MAP4: variants seen among roughly 807,000 people sequenced by gnomAD.
MAP4 encodes microtubule-associated protein 4.
A neutral mutation model predicts 170.2 loss-of-function variants in MAP4; 76 were observed. That is an observed-to-expected ratio of 0.45 (90% CI 0.37 to 0.54). The LOEUF (loss-of-function observed/expected upper bound fraction) is 0.54. Among genes scored for constraint, MAP4 ranks in the 20% least tolerant of loss-of-function variants. The probability of loss-of-function intolerance (pLI) is 0.00; values close to 1 mark genes in which losing one functional copy is unlikely to be tolerated. For synonymous variants in MAP4, 909 were observed against 994.5 expected (o/e 0.91, Z 1.62); for missense variants, 2,506 against 2,748.0 (o/e 0.91, Z 1.97).
At chr3:48,050,726 T>C (rs12635470) in intron 1 of MAP4, among the ~76,000 whole-genome samples, 1 of 151,158 alleles carries the variant, frequency 6.6e-6, no homozygotes, top group Non-Finnish European at 1.5e-5. Context: ...GCCAACATGG[T>C]GAAATCCATC....
intron 1 of MAP4, among the ~76,000 whole-genome samples, chr3:48,073,623 A>G (rs2100142157): frequency 6.6e-6 from 1 of 151,864 alleles, no homozygotes; most frequent in South Asian, 2.1e-4. Context: ...AAAAAAAAAA[A>G]GAAGAAAAAA....
Position 47,910,912 on chromosome 3 carries a change from G to C in MAP4, c.3509C>G (p.Ser1170Cys). The change falls in exon 9 of 21, where the codon TCT (serine) becomes TGT (cysteine). Residue 1170 changes from serine (S) to cysteine (C), a missense_variant. Coordinates refer to ENST00000683076, the MANE Select transcript of MAP4 (RefSeq NM_001385682.1). ...ATCTCCTGTTTCTGTGCTAACACCA[G>C]AAGTCTGAGTCATGCCTGATCCACT... ...LESGSGMTQT[S>C]GVSTETGDVV... 6.5e-7 allele frequency: 1 copy of C among 1,536,092 alleles called. No homozygotes were observed.
intron 1 of MAP4, among the ~76,000 whole-genome samples, chr3:48,007,992 C>T (rs972192596): frequency 6.6e-6 from 1 of 152,072 alleles, no homozygotes; most frequent in African/African-American, 2.4e-5. Flanking sequence ...TGTTACTGGG[C>T]TTTAGTGGAA....
intron 1 of MAP4, among the ~76,000 whole-genome samples, chr3:48,048,620 T>G (rs1478578704): frequency 6.7e-6 from 1 of 148,776 alleles, no homozygotes; most frequent in Non-Finnish European, 1.5e-5. Flanking sequence ...AGGACTCAAG[T>G]GATCTCCCAC....
upstream of MAP4, among the ~76,000 whole-genome samples, chr3:48,017,800 A>G (rs1394005618): frequency 6.6e-5 from 10 of 152,228 alleles, no homozygotes; most frequent in Admixed American, 6.5e-4. Flanking sequence ...GAACTAATAC[A>G]TCATCTGTAC....
intron 1 of MAP4, among the ~76,000 whole-genome samples, chr3:48,057,659 A>C (rs1178517723): frequency 6.6e-6 from 1 of 150,970 alleles, no homozygotes; most frequent in Non-Finnish European, 1.5e-5. Context: ...AAAAAAAAAA[A>C]AGTAAGCATG....
Position 47,910,413 on chromosome 3 carries a change from A to T in MAP4, c.4008T>A (p.Val1336=). The stretch of plus-strand genomic sequence containing the variant: ...TATTCTCCTCAGATACTACTGAAGG[A>T]ACAAATCCTGCCCCCTGGATTTGCT... The part of the protein sequence containing the change: ...CQEQIQGAGF[V]PSVVSEENKT... The change falls in exon 9 of 21, where the codon GTT becomes GTA. Residue 1336 remains valine (V), a synonymous_variant. Transcript: ENST00000683076. 6.5e-7 allele frequency: 1 copy of T among 1,536,450 alleles called. No individual in the cohort carries two copies. The highest frequency in any genetic ancestry group is 1.2e-5 in the South Asian group (1 of 84,060).
chr3:48,058,641 A>T (rs1311348209), intron 1 of MAP4, among the ~76,000 whole-genome samples: 1 of 152,232 alleles, frequency 6.6e-6, no homozygotes, highest in Non-Finnish European at 1.5e-5. Context: ...TGACCCAAGT[A>T]ATTCATTAAT....
chr3:47,862,624 C>T (rs576353230), intron 17 of MAP4, among the ~76,000 whole-genome samples: 12 of 152,028 alleles, frequency 7.9e-5, no homozygotes, highest in Admixed American at 6.5e-4. Flanking sequence ...ACTACAGGCA[C>T]GTGCCACCAC....
rs762787802 is a variant in MAP4, at chr3:47,909,484, G to A, written c.4937C>T (p.Ser1646Phe). The A allele has an allele frequency of 1.2e-6, 2 of 1,613,630 alleles. No homozygotes were observed. The highest frequency in any genetic ancestry group is 1.7e-6 in the Non-Finnish European group (2 of 1,179,888). The change falls in exon 9 of 21, where the codon TCC becomes TTC. Residue 1646 changes from serine (S) to phenylalanine (F), a missense_variant. By Grantham distance (155) the Ser-to-Phe change is radical (BLOSUM62 -2). This residue lies in a region of MAP4 where 2,008 missense variants were observed against 2,206.0 expected (regional missense o/e 0.91). Coordinates refer to ENST00000683076, the MANE Select transcript of MAP4 (RefSeq NM_001385682.1). ...CTTATTCAAACTATCTGAACCTTTG[G>A]AATTTCTATCTTGAGCATTTTGGTC... ...CEDQNAQDRN[S>F]KGSDSLNKKV...
chr3:47,918,720 T>C lies in MAP4; in HGVS notation c.651A>G (p.Ala217=), dbSNP rs2100041098. 1 of 1,608,148 alleles carries C rather than the reference T, an allele frequency of 6.2e-7. No individual in the cohort carries two copies. Among genetic ancestry groups the C allele is most frequent in the South Asian group, 1.1e-5 (1 of 90,952 alleles). Residue 217 remains alanine, a splice_region_variant and synonymous_variant, in exon 6 of 21, where the codon GCA becomes GCG. Transcript: ENST00000683076. ...TAAAGGGAGTCTCTAATAGTTTACC[T>C]GCCGTTGGCTGAGGAGGTTCTGCAA... ...EAVAEPPQPT[A]VPLELAKEIE... is the part of the protein sequence containing the mutation.
At chr3:48,043,108 A>T (rs547902483) in intron 1 of MAP4, among the ~76,000 whole-genome samples, 33 of 152,162 alleles carry the variant, frequency 2.2e-4, no homozygotes, top group Middle Eastern at 3.4e-3. Context: ...TTATTTATTT[A>T]TTTATTTTTT....
chr3:47,903,368 C>T (rs1329858739), intron 9 of MAP4, among the ~76,000 whole-genome samples: 2 of 152,118 alleles, frequency 1.3e-5, no homozygotes, highest in Non-Finnish European at 2.9e-5. Flanking sequence ...CCCGTCTCTA[C>T]TAAAAATACA....
At chr3:48,085,060 G>C (rs917282995) in intron 1 of MAP4, among the ~76,000 whole-genome samples, 7 of 151,934 alleles carry the variant, frequency 4.6e-5, no homozygotes, top group Non-Finnish European at 7.4e-5. Context: ...TACTTACTTG[G>C]TTTCCTTTTC....
intron 10 of MAP4, among the ~76,000 whole-genome samples, chr3:47,888,354 C>T (rs370898718): frequency 6.6e-6 from 1 of 152,174 alleles, no homozygotes; most frequent in South Asian, 2.1e-4. Flanking sequence ...TGCTACTGCT[C>T]ACTCTTTGGG....
chr3:47,952,258 T>TG (rs1299562955), intron 3 of MAP4, among the ~76,000 whole-genome samples: 9 of 143,680 alleles, frequency 6.3e-5, no homozygotes, highest in East Asian at 4.2e-4. Flanking sequence ...GGGAGGGAGG[T>TG]GGGGGGGTCA....
intron 1 of MAP4, among the ~76,000 whole-genome samples, chr3:48,000,745 T>C (rs1245359750): frequency 1.3e-5 from 2 of 152,206 alleles, no homozygotes; most frequent in Admixed American, 1.3e-4. Context: ...ATACACAGTC[T>C]TTCTCCAACC....
At chr3:48,007,132 A>G (rs2100102779) in intron 1 of MAP4, among the ~76,000 whole-genome samples, 1 of 152,242 alleles carries the variant, frequency 6.6e-6, no homozygotes, top group South Asian at 2.1e-4. Context: ...CATTATGCTG[A>G]CTGGATCCAG....
chr3:47,946,229 C>T (rs2100059809), intron 3 of MAP4, among the ~76,000 whole-genome samples: 1 of 151,474 alleles, frequency 6.6e-6, no homozygotes, highest in South Asian at 2.1e-4. Flanking sequence ...AGGTGTGAGC[C>T]ACCACACCCG....
Sources: allele counts gnomAD v4.1 joint callset (sites outside exome capture counted in the v4.1 genomes callset), GRCh38; gene constraint gnomAD v4.1.1; regional missense constraint gnomAD v4.1.1; transcripts MANE v1.5; gene names NCBI Gene and HGNC (gene_info 2026-07-23, HGNC 2026-07-21).